The following IFT25 variants were observed in gnomAD, a reference collection of about 807,000 sequenced individuals.
IFT25 encodes the protein intraflagellar transport protein 25 homolog.
At chr1:53,916,867 C>A in the IFT25 span, 1 of 394,876 alleles carries the variant, frequency 2.5e-6, no homozygotes, top group Non-Finnish European at 4.5e-6. Context: ...CCGGGCCGGG[C>A]GCAGTGGCTC....
At chr1:53,915,660 G>T in the IFT25 span, among the ~76,000 whole-genome samples, 1 of 152,286 alleles carries the variant, frequency 6.6e-6, no homozygotes, top group East Asian at 1.9e-4. Flanking sequence ...TAATAGGGAG[G>T]CCAGAGAAAG....
chr1:53,920,906 C>G, the IFT25 span, among the ~76,000 whole-genome samples: 1 of 152,248 alleles, frequency 6.6e-6, no homozygotes, highest in African/African-American at 2.4e-5. Context: ...GGTGCGGTGG[C>G]TCATGCCTGT....
At chr1:53,934,329 T>C in the IFT25 span, among the ~76,000 whole-genome samples, 1 of 152,236 alleles carries the variant, frequency 6.6e-6, no homozygotes, top group Admixed American at 6.5e-5. Context: ...TAAAAGATAT[T>C]GCTCCATTGT....
the IFT25 span, among the ~76,000 whole-genome samples, chr1:53,922,626 G>A: frequency 6.6e-6 from 1 of 152,092 alleles, no homozygotes; most frequent in Non-Finnish European, 1.5e-5. Flanking sequence ...AAGAAAAAAG[G>A]TGAAGGTACC....
chr1:53,932,619 C>G, the IFT25 span, among the ~76,000 whole-genome samples: 1 of 152,248 alleles, frequency 6.6e-6, no homozygotes, highest in Non-Finnish European at 1.5e-5. Flanking sequence ...GACTGCAGTG[C>G]AGTGGCACAA....
chr1:53,919,194 C>T, the IFT25 span, among the ~76,000 whole-genome samples: 1 of 152,156 alleles, frequency 6.6e-6, no homozygotes, highest in African/African-American at 2.4e-5. Flanking sequence ...CTTGTTTTCA[C>T]TCTGAGCTTG....
chr1:53,929,707 G>C, the IFT25 span: 5 of 186,900 alleles, frequency 2.7e-5, no homozygotes, highest in African/African-American at 7.0e-5. Context: ...TAGTGTTCTA[G>C]CAAGCTGGAG....
At chr1:53,919,642 A>G in the IFT25 span, among the ~76,000 whole-genome samples, 1 of 152,240 alleles carries the variant, frequency 6.6e-6, no homozygotes, top group African/African-American at 2.4e-5. Context: ...AACAGAGCAA[A>G]AGCTAACTGA....
chr1:53,925,197 C>T, the IFT25 span, among the ~76,000 whole-genome samples: 2 of 152,098 alleles, frequency 1.3e-5, no homozygotes, highest in Non-Finnish European at 2.9e-5. Flanking sequence ...TCCCTCTTTA[C>T]CTCCTCTCAA....
chr1:53,915,418 A>T, the IFT25 span, among the ~76,000 whole-genome samples: 1 of 152,184 alleles, frequency 6.6e-6, no homozygotes, highest in African/African-American at 2.4e-5. Context: ...TGCAGGTGGC[A>T]CTGCCCTCAT....
chr1:53,925,179 T>C, the IFT25 span, among the ~76,000 whole-genome samples: 1 of 152,290 alleles, frequency 6.6e-6, no homozygotes, highest in East Asian at 1.9e-4. Flanking sequence ...TCTTCCTCCT[T>C]CAACTTCTCC....
chr1:53,945,152 G>GTTC, the IFT25 span, among the ~76,000 whole-genome samples: 1 of 152,310 alleles, frequency 6.6e-6, no homozygotes, highest in East Asian at 1.9e-4. Context: ...TAAAGCCTCA[G>GTTC]ACTTGTGGAG....
the IFT25 span, among the ~76,000 whole-genome samples, chr1:53,919,231 A>AC: frequency 1.3e-5 from 2 of 152,212 alleles, no homozygotes; most frequent in African/African-American, 4.8e-5. Context: ...TGGCAAGCAG[A>AC]CAACAGCAAA....
At chr1:53,918,410 T>C in the IFT25 span, among the ~76,000 whole-genome samples, 1 of 152,218 alleles carries the variant, frequency 6.6e-6, no homozygotes, top group Non-Finnish European at 1.5e-5. Context: ...TAGAACATTG[T>C]TGGTCAATTA....
At chr1:53,937,355 C>T in the IFT25 span, among the ~76,000 whole-genome samples, 2 of 152,082 alleles carry the variant, frequency 1.3e-5, no homozygotes, top group African/African-American at 4.8e-5. Flanking sequence ...CTGACCTCAA[C>T]TGATCTGCCC....
the IFT25 span, chr1:53,946,113 G>T: frequency 4.0e-5 from 6 of 151,060 alleles, no homozygotes; most frequent in African/African-American, 1.5e-4. Context: ...CCACTCCTGT[G>T]CGCCTTTCCC....
the IFT25 span, among the ~76,000 whole-genome samples, chr1:53,925,670 A>T: frequency 2.0e-5 from 3 of 151,776 alleles, no homozygotes; most frequent in African/African-American, 7.3e-5. Context: ...GTCTCAAAAA[A>T]AAAAAAAGAA....
chr1:53,933,992 A>T, the IFT25 span, among the ~76,000 whole-genome samples: 1 of 152,112 alleles, frequency 6.6e-6, no homozygotes, highest in Non-Finnish European at 1.5e-5. Context: ...TACATATATA[A>T]TATATCCCAT....
chr1:53,938,227 T>C, the IFT25 span, among the ~76,000 whole-genome samples: 1 of 152,218 alleles, frequency 6.6e-6, no homozygotes, highest in Non-Finnish European at 1.5e-5. Flanking sequence ...AAATGTACAG[T>C]TATATATACA....
Sources: gnomAD v4.1 joint callset for allele counts (sites outside exome capture counted in the v4.1 genomes callset) on GRCh38, gnomAD v4.1.1 for gene constraint, MANE v1.5 for transcripts, NCBI Gene and HGNC (gene_info 2026-07-23, HGNC 2026-07-21) for gene names.